The following PLEKHO2 variants were observed in gnomAD, a reference collection of about 807,000 sequenced individuals.
PLEKHO2 encodes the protein pleckstrin homology domain containing O2.
PLEKHO2 carries 20 observed loss-of-function variants against 32.7 expected under a neutral mutation model. The observed-to-expected ratio is 0.61, with a 90% CI of 0.43 to 0.89. The LOEUF (loss-of-function observed/expected upper bound fraction) is 0.89, where lower values mean the gene tolerates loss of function less well. Ranked by LOEUF, PLEKHO2 falls within the 40% of genes least tolerant of loss-of-function variation. The probability of loss-of-function intolerance (pLI) is 0.00; values close to 1 mark genes in which losing one functional copy is unlikely to be tolerated. For synonymous variants in PLEKHO2, 247 were observed against 246.3 expected (o/e 1.00, Z -0.03); for missense variants, 568 against 621.2 (o/e 0.91, Z 0.91).
At chr15:64,860,777 G>T (rs2084635687) in intron 4 of PLEKHO2, among the ~76,000 whole-genome samples, 1 of 152,202 alleles carries the variant, frequency 6.6e-6, no homozygotes, top group South Asian at 2.1e-4. Flanking sequence ...CACGGGAGAG[G>T]GATGATGGGA....
chr15:64,851,036 G>A (rs1309520943), intron 2 of PLEKHO2, among the ~76,000 whole-genome samples: 1 of 152,200 alleles, frequency 6.6e-6, no homozygotes, highest in Admixed American at 6.5e-5. Context: ...GAAAGATTAG[G>A]CAACCTGGAT....
chr15:64,860,086 C>T, intron 4 of PLEKHO2, 88 bp downstream of exon 4: 1 of 1,125,628 alleles, frequency 8.9e-7, no homozygotes. Context: ...CTCCTTACCC[C>T]AGACTACCCC....
intron 3 of PLEKHO2, among the ~76,000 whole-genome samples, chr15:64,856,888 GC>G (rs2084609738): frequency 6.6e-6 from 1 of 152,212 alleles, no homozygotes; most frequent in South Asian, 2.1e-4. Context: ...CCTCAGTGAG[GC>G]CTCCAGCCGG....
rs1719287 is a variant in PLEKHO2, at chr15:64,845,186, T to A, written c.12+3158T>A. ...TGTTGTGGTTCCATCTGTCCCCTTCTGTGTACAGAGTTGAGGTGACCTGGC... is the reference window on the plus strand; with the variant it reads ...TGTTGTGGTTCCATCTGTCCCCTTCAGTGTACAGAGTTGAGGTGACCTGGC... On this transcript the variant is annotated intron_variant, in intron 1 of 5. Coordinates refer to ENST00000323544, the MANE Select transcript of PLEKHO2 (RefSeq NM_025201.5). Among the ~76,000 whole-genome samples, 1,299 of 151,500 alleles carry A rather than the reference T, an allele frequency of 8.6e-3. 18 individuals carry two copies. Among genetic ancestry groups the A allele is most frequent in the African/African-American group, 0.03 (1,236 of 41,358 alleles).
In PLEKHO2 at chr15:64,866,677, C is replaced by T; in HGVS notation, c.*789C>T. 1 of 235,186 alleles carries T rather than the reference C, an allele frequency of 4.3e-6. No individual in the cohort carries two copies. The highest frequency in any genetic ancestry group is 4.9e-5 in the South Asian group (1 of 20,328). The allele number at this position is 235,186 out of a possible 1,614,324, so 14.6% of individuals were successfully genotyped here. A position where few individuals can be genotyped will look rare whatever the true frequency, so the allele number is the denominator to read the frequency against. On this transcript the variant is annotated 3_prime_UTR_variant, in exon 6 of 6. Coordinates refer to ENST00000323544, the MANE Select transcript of PLEKHO2 (RefSeq NM_025201.5). ...GTCTCTGCCCCTGGATAGTGTCCAG[C>T]CTTGTATATTTCTGAAGAGGTGGAT... is the stretch of plus-strand genomic sequence containing the variant.
At chr15:64,857,127 C>T (rs1267959095) in intron 3 of PLEKHO2, among the ~76,000 whole-genome samples, 1 of 152,216 alleles carries the variant, frequency 6.6e-6, no homozygotes, top group Non-Finnish European at 1.5e-5. Context: ...CTCTTTCCTG[C>T]CTCCTCTCTT....
chr15:64,856,141 T>G lies in PLEKHO2; in HGVS notation c.279+1104T>G, dbSNP rs58037287. 4.0e-3 allele frequency among the ~76,000 whole-genome samples: 613 copies of G among 152,266 alleles called. 6 individuals carry two copies. The highest frequency in any genetic ancestry group is 0.014 in the African/African-American group (580 of 41,544). On this transcript the variant is annotated intron_variant, in intron 3 of 5. Transcript: ENST00000323544. ...CTGGGCCCAGGTTTCACTTGACATC[T>G]GCTGCTTAGGGCTCTTTGAGGACAA...
chr15:64,849,014 T>C (rs535967979), intron 2 of PLEKHO2, among the ~76,000 whole-genome samples: 65 of 152,294 alleles, frequency 4.3e-4, no homozygotes, highest in African/African-American at 1.5e-3. Context: ...TCTTGCTCTG[T>C]CACCAGGCTG....
chr15:64,858,916 AT>A (rs2084624087), intron 3 of PLEKHO2, among the ~76,000 whole-genome samples: 1 of 152,202 alleles, frequency 6.6e-6, no homozygotes, highest in Admixed American at 6.5e-5. Context: ...CCATTAAATA[AT>A]AATGCCCCAT....
rs7183927 is a variant in PLEKHO2 at position 64,863,184 on chromosome 15, C to T, written c.483+1609C>T. 6.0e-3 allele frequency among the ~76,000 whole-genome samples: 914 copies of T among 152,274 alleles called. 8 individuals are homozygous for T. Among genetic ancestry groups the T allele is most frequent in the African/African-American group, 0.021 (874 of 41,562 alleles). Reference sequence around the variant, plus strand: ...AACTCCAGACCTCGTGATCTGCCCACTTTGGCCTCCCAAAGTGCTGGGATT... The same window carrying T: ...AACTCCAGACCTCGTGATCTGCCCATTTTGGCCTCCCAAAGTGCTGGGATT... On this transcript the variant is annotated intron_variant, in intron 5 of 5. Transcript: ENST00000323544.
intron 4 of PLEKHO2, among the ~76,000 whole-genome samples, chr15:64,860,801 T>C (rs1408835967): frequency 2.0e-5 from 3 of 152,170 alleles, no homozygotes; most frequent in Admixed American, 2.0e-4. Context: ...ATCATAGATA[T>C]TGGGGGAGGC....
intron 5 of PLEKHO2, among the ~76,000 whole-genome samples, chr15:64,862,950 T>A (rs2084653552): frequency 6.7e-6 from 1 of 149,498 alleles, no homozygotes; most frequent in South Asian, 2.1e-4. Context: ...TTTTTTTTTT[T>A]TTTTTTTGAG....
chr15:64,861,509 T>C lies in PLEKHO2; in HGVS notation c.417T>C (p.His139=), dbSNP rs1443734759. The stretch of plus-strand genomic sequence containing the variant: ...TGGACAAGAGCTGCGCCCTGGAGCA[T>C]GTGACACGGGACCGGGTGCGAGGGG... ...VKVDKSCALE[H]VTRDRVRGGQ... is the part of the protein sequence containing the mutation. Residue 139 remains histidine, a synonymous_variant, in exon 5 of 6, where the codon CAT becomes CAC. Transcript: ENST00000323544. The C allele has an allele frequency of 6.2e-7, 1 of 1,608,548 alleles. No homozygotes were observed. The highest frequency in any genetic ancestry group is 2.2e-5 in the East Asian group (1 of 44,562).
Position 64,866,637 on chromosome 15 carries a change from G to A in PLEKHO2, c.*749G>A. On this transcript the variant is annotated 3_prime_UTR_variant, in exon 6 of 6. Transcript: ENST00000323544. The stretch of plus-strand genomic sequence containing the variant: ...TTCAAGAGTGGAAGAGGAATTTAAG[G>A]GGTCCCCTAGTCTAGTCTCTGCCCC... The A allele has an allele frequency of 3.1e-6, 1 of 320,410 alleles. No homozygotes were observed. The highest frequency in any genetic ancestry group is 4.0e-5 in the Admixed American group (1 of 24,930). The allele number at this position is 320,410 out of a possible 1,614,324, so 19.8% of individuals were successfully genotyped here.
chr15:64,857,254 G>C (rs2084611760), intron 3 of PLEKHO2, among the ~76,000 whole-genome samples: 1 of 152,198 alleles, frequency 6.6e-6, no homozygotes, highest in Non-Finnish European at 1.5e-5. Flanking sequence ...CTATGTCCCT[G>C]GGGCTTCTTG....
Position 64,861,557 on chromosome 15 carries a change from G to T in PLEKHO2, c.465G>T (p.Thr155=). 2 of 1,605,762 alleles carry T rather than the reference G, an allele frequency of 1.2e-6. No individual in the cohort carries two copies. The highest frequency in any genetic ancestry group is 1.1e-5 in the South Asian group (1 of 89,288). ...VRGGQRRRPP[T]RVHLKEVASA... Reference sequence around the variant, plus strand: ...GGGGCCAGCGACGCCGGCCACCAACGAGAGTCCACCTGAAGGAGGTAGGGC... The same window carrying T: ...GGGGCCAGCGACGCCGGCCACCAACTAGAGTCCACCTGAAGGAGGTAGGGC... Residue 155 remains threonine, a synonymous_variant, in exon 5 of 6, where the codon ACG becomes ACT. Coordinates refer to ENST00000323544, the MANE Select transcript of PLEKHO2 (RefSeq NM_025201.5).
Position 64,867,928 on chromosome 15 carries a change from G to A in PLEKHO2, c.*2040G>A, listed in dbSNP as rs2084701513. On this transcript the variant is annotated 3_prime_UTR_variant, in exon 6 of 6. Coordinates refer to ENST00000323544, the MANE Select transcript of PLEKHO2 (RefSeq NM_025201.5). ...TGGCATTCCGTGCTTGCCTCCTTGA[G>A]GAGGGTGGCATTCTGTGTCTTCTGC... 6.6e-6 allele frequency: 1 copy of A among 152,244 alleles called. No homozygotes were observed. Among genetic ancestry groups the A allele is most frequent in the Non-Finnish European group, 1.5e-5 (1 of 68,052 alleles). 9.4% of individuals were successfully genotyped at this position (152,244 alleles called of 1,614,324 possible).
At position 64,866,333 on chromosome 15, in the gene PLEKHO2, G is replaced by A. The variant is rs1222570294; in HGVS notation, c.*445G>A. ...ATCTCCAGCTATTCCTAGGCAAAGA[G>A]CCTCATGGCTAAGGCAGCCTCAAAG... On this transcript the variant is annotated 3_prime_UTR_variant, in exon 6 of 6. Coordinates refer to ENST00000323544, the MANE Select transcript of PLEKHO2 (RefSeq NM_025201.5). The A allele has an allele frequency of 1.3e-5, 6 of 458,000 alleles. No individual in the cohort carries two copies. Among genetic ancestry groups the A allele is most frequent in the Non-Finnish European group, 2.6e-5 (6 of 228,282 alleles). 28.4% of individuals were successfully genotyped at this position (458,000 alleles called of 1,614,324 possible).
intron 2 of PLEKHO2, among the ~76,000 whole-genome samples, chr15:64,850,936 G>A (rs1343016629): frequency 2.6e-5 from 4 of 152,208 alleles, no homozygotes; most frequent in Non-Finnish European, 5.9e-5. Flanking sequence ...AATTGGCCTG[G>A]GGGCAGAAGG....
Sources: gnomAD v4.1 joint callset for allele counts (sites outside exome capture counted in the v4.1 genomes callset) on GRCh38, gnomAD v4.1.1 for gene constraint, MANE v1.5 for transcripts, NCBI Gene and HGNC (gene_info 2026-07-23, HGNC 2026-07-21) for gene names.